FIBP: variants seen among roughly 807,000 people sequenced by gnomAD.
FIBP encodes the protein acidic fibroblast growth factor intracellular-binding protein.
FIBP carries 29 observed loss-of-function variants against 40.5 expected under a neutral mutation model. The ratio of observed to expected loss-of-function variants is 0.72; its 90% CI spans 0.53 to 0.98. The LOEUF (loss-of-function observed/expected upper bound fraction) is 0.98, where lower values mean the gene tolerates loss of function less well. FIBP is among the 50% of genes least tolerant of loss of function. The pLI, the probability that FIBP is intolerant of heterozygous loss-of-function variation, is 0.00. For missense variants in FIBP, 411 were observed against 470.2 expected (o/e 0.87, Z 1.16); for synonymous variants, 215 against 191.1 (o/e 1.13, Z -1.03).
At chr11:65,884,292 G>C in intron 9 of FIBP, 100 bp downstream of exon 9, 1 of 1,124,674 alleles carries the variant, frequency 8.9e-7, no homozygotes, top group Non-Finnish European at 1.3e-6. Flanking sequence ...CCCACCCCCA[G>C]GGTAGCAGAA....
chr11:65,885,113 T>A lies in FIBP; in HGVS notation c.720A>T (p.Leu240=), dbSNP rs35265924. 467 of 1,612,914 alleles carry A rather than the reference T, an allele frequency of 2.9e-4. No individual in the cohort carries two copies. In the African/African-American group the frequency reaches 5.7e-3, roughly 20 times the overall value. The change falls in exon 6 of 10, where the codon CTA becomes CTT. Residue 240 remains leucine (L), a synonymous_variant. Transcript: ENST00000357519. ...FLQDLKELKV[L]VADKDLLDLH... ...GGTCCAGAAGGTCCTTGTCAGCCAC[T>A]AGCACCTTGAGCTCCTTCAAGTCCT...
At chr11:65,887,788 G>GTC in intron 2 of FIBP, 62 bp from the exon 3 acceptor site, 1 of 1,608,288 alleles carries the variant, frequency 6.2e-7, no homozygotes, top group South Asian at 1.1e-5. Flanking sequence ...GTCTGGCGGG[G>GTC]CCTAGCAGGG....
chr11:65,887,780 C>G (rs746961661), intron 2 of FIBP, 54 bp from the exon 3 acceptor site: 8 of 1,533,082 alleles, frequency 5.2e-6, no homozygotes, highest in Middle Eastern at 1.7e-4. Flanking sequence ...GAAAGGGAGT[C>G]TGGCGGGGCC....
Position 65,888,360 on chromosome 11 carries a change from T to C in FIBP, c.59A>G (p.Tyr20Cys). Residue 20 changes from tyrosine to cysteine, a missense_variant, in exon 1 of 10, where the codon TAT becomes TGT. Coordinates refer to ENST00000357519, the MANE Select transcript of FIBP (RefSeq NM_004214.5). Reference sequence around the variant, plus strand: ...CGAGTAACCATCGAGCCAGAGGCGATACACGTCCTCGTCGATAAGGGTCGT... The same window carrying C: ...CGAGTAACCATCGAGCCAGAGGCGACACACGTCCTCGTCGATAAGGGTCGT... ...GNTTLIDEDV[Y>C]RLWLDGYSVT... 1.9e-6 allele frequency: 3 copies of C among 1,560,504 alleles called. No homozygotes were observed. The highest frequency in any genetic ancestry group is 2.6e-6 in the Non-Finnish European group (3 of 1,151,890).
rs1013122318 is a variant in FIBP, at chr11:65,883,831, T to A, written c.*143A>T. 34 of 781,046 alleles carry A rather than the reference T, an allele frequency of 4.4e-5. No homozygotes were observed. Among genetic ancestry groups the A allele is most frequent in the Admixed American group, 1.8e-4 (8 of 45,140 alleles). The allele number at this position is 781,046 out of a possible 1,614,324, so 48.4% of individuals were successfully genotyped here. ...AGTTCCCAAGGAGCCACTGTACACA[T>A]CCATCCTTGTACACGGACACCAGGT... On this transcript the variant is annotated 3_prime_UTR_variant, in exon 10 of 10. Coordinates refer to ENST00000357519, the MANE Select transcript of FIBP (RefSeq NM_004214.5).
chr11:65,885,472 G>T, intron 5 of FIBP, 58 bp downstream of exon 5: 1 of 1,580,882 alleles, frequency 6.3e-7, no homozygotes, highest in Non-Finnish European at 8.6e-7. Context: ...CTACTGGTGG[G>T]GAATCAGGTC....
chr11:65,887,446 GAA>G (rs35947009), intron 3 of FIBP, 152 bp downstream of exon 3: 9,616 of 616,642 alleles, frequency 0.016, no homozygotes, highest in Middle Eastern at 0.017. Context: ...ACTCCATCTC[GAA>G]AAAAAAAAAA....
chr11:65,888,462 G>T lies in FIBP; in HGVS notation c.-44C>A. 1.4e-6 allele frequency: 2 copies of T among 1,478,376 alleles called. No homozygotes were observed. The highest frequency in any genetic ancestry group is 2.5e-5 in the East Asian group (1 of 40,496). The allele number at this position is 1,478,376 out of a possible 1,614,324, so 91.6% of individuals were successfully genotyped here. A position where few individuals can be genotyped will look rare whatever the true frequency, so the allele number is the denominator to read the frequency against. On this transcript the variant is annotated 5_prime_UTR_variant, in exon 1 of 10. Coordinates refer to ENST00000357519, the MANE Select transcript of FIBP (RefSeq NM_004214.5). ...AGCGCCCCGAGCAGGAGCGAGCACT[G>T]CTCGGGACTGGCGCGCCGCCTTCAG...
At chr11:65,885,836 G>T (rs1048957014) in intron 4 of FIBP, 173 bp from the exon 5 acceptor site, 8 of 645,004 alleles carry the variant, frequency 1.2e-5, no homozygotes, top group African/African-American at 1.8e-5. Flanking sequence ...GCGAAGAGAA[G>T]GTTCCAGCTC....
rs1377920141 is a variant in FIBP at position 65,887,754 on chromosome 11, C to G, written c.285-28G>C. ...TGTGGAGTCAGAGAACACCATTGAC[C>G]CTCCATAAAAGACAGGAAAGGGAGT... On this transcript the variant is annotated intron_variant, in intron 2 of 9. Transcript: ENST00000357519. 2.5e-6 allele frequency: 4 copies of G among 1,609,090 alleles called. No homozygotes were observed. In the East Asian group the frequency reaches 6.7e-5, roughly 27 times the overall value.
In FIBP at chr11:65,888,292, A is replaced by T. The variant is rs759704019; in HGVS notation, c.85+42T>A. ...CCCCGCCCCCTCTCCCATTCAACAC[A>T]ACCGCTCCGCCGACTGGCTTCCCCA... On this transcript the variant is annotated intron_variant, in intron 1 of 9. Transcript: ENST00000357519. The T allele has an allele frequency of 4.6e-5, 70 of 1,532,194 alleles. No homozygotes were observed. The Middle Eastern group carries it at 6.7e-4, about 15-fold the overall frequency. The allele number at this position is 1,532,194 out of a possible 1,614,324, so 94.9% of individuals were successfully genotyped here.
chr11:65,884,702 T>C, intron 7 of FIBP, 46 bp from the exon 8 acceptor site: 2 of 1,600,338 alleles, frequency 1.2e-6, no homozygotes, highest in Non-Finnish European at 1.7e-6. Context: ...CCCCAGAAGT[T>C]GGCAGCTGAG....
intron 7 of FIBP, 59 bp downstream of exon 7, chr11:65,884,875 AG>A: frequency 6.3e-7 from 1 of 1,583,714 alleles, no homozygotes; most frequent in Non-Finnish European, 8.7e-7. Context: ...GCTGCCCGGT[AG>A]GGGTGGCGAA....
At chr11:65,885,953 T>C (rs1860224721) in intron 4 of FIBP, 1 of 449,696 alleles carries the variant, frequency 2.2e-6, no homozygotes, top group South Asian at 3.2e-5. Context: ...ATGGTACCTC[T>C]CAACAGCCCA....
At chr11:65,884,200 G>A (rs1860166241) in intron 9 of FIBP, 157 bp from the exon 10 acceptor site, 3 of 751,204 alleles carry the variant, frequency 4.0e-6, no homozygotes, top group Admixed American at 5.0e-5. Context: ...AGGAAACTGA[G>A]GCATGGAGAG....
rs955872027 is a variant in FIBP, at chr11:65,888,146, G to C, written c.86-14C>G. 6 of 1,547,096 alleles carry C rather than the reference G, an allele frequency of 3.9e-6. No homozygotes were observed. The highest frequency in any genetic ancestry group is 1.4e-5 in the African/African-American group (1 of 73,706). ...CCGCGTCGGTCACTGGAAAGCGGAC[G>C]CTAGCATCAGGCCCCGCCCCGCCGA... On this transcript the variant is annotated splice_polypyrimidine_tract_variant and intron_variant, in intron 1 of 9. Transcript: ENST00000357519.
chr11:65,888,020 G>A lies in FIBP; in HGVS notation c.198C>T (p.Leu66=). The A allele has an allele frequency of 6.2e-7, 1 of 1,613,082 alleles. No individual in the cohort carries two copies. The highest frequency in any genetic ancestry group is 8.5e-7 in the Non-Finnish European group (1 of 1,179,744). Residue 66 remains leucine (L), a synonymous_variant, in exon 2 of 10, where the codon CTC becomes CTT. Transcript: ENST00000357519. ...TGGGCGGCGCATGCAGCAGCCGCTC[G>A]AGCATGTGGAAGGTGCGGTAATGGT... ...TMDHYRTFHM[L]ERLLHAPPKL...
Position 65,888,404 on chromosome 11 carries a change from CA to C in FIBP, c.14del (p.Leu5ArgfsTer25). ...GGGTCGTGTTCCCCACGAAGATGTC[CA>C]GCTCACTGGTCATGGCGACGCCCGG... MTSE[L>X]DIFVGNTTLI... is the part of the protein sequence containing the mutation. On this transcript the variant is annotated frameshift_variant, in exon 1 of 10. Transcript: ENST00000357519. LOFTEE classifies it high-confidence loss of function. The C allele has an allele frequency of 1.9e-6, 3 of 1,567,114 alleles. No individual in the cohort carries two copies. Among genetic ancestry groups the C allele is most frequent in the Non-Finnish European group, 2.6e-6 (3 of 1,155,492 alleles).
intron 1 of FIBP, 91 bp from the exon 2 acceptor site, chr11:65,888,223 T>TC (rs1860296309): frequency 6.8e-7 from 1 of 1,468,008 alleles, no homozygotes; most frequent in South Asian, 1.2e-5. Context: ...CACCTCTTAT[T>TC]CCCAGGCGCT....
Sources: allele counts gnomAD v4.1 joint callset, GRCh38; gene constraint gnomAD v4.1.1; transcripts MANE v1.5; gene names NCBI Gene and HGNC (gene_info 2026-07-23, HGNC 2026-07-21).